The following FOXO3 variants were observed in gnomAD, a reference collection of about 807,000 sequenced individuals.
The protein encoded by FOXO3 is forkhead box O3.
A neutral mutation model predicts 41.9 loss-of-function variants in FOXO3; 4 were observed. That is an observed-to-expected ratio of 0.10 (90% confidence interval 0.05 to 0.22). FOXO3 has a LOEUF of 0.22. Ranked by LOEUF, FOXO3 falls within the 10% of genes least tolerant of loss-of-function variation. The pLI is 1.00. For synonymous variants in FOXO3, 318 were observed against 389.3 expected (o/e 0.82, Z 2.16); for missense variants, 534 against 906.8 (o/e 0.59, Z 5.28).
At chr6:108,579,445 C>A (rs538358700) in intron 1 of FOXO3, among the ~76,000 whole-genome samples, 2 of 152,246 alleles carry the variant, frequency 1.3e-5, no homozygotes, top group South Asian at 4.1e-4. Context: ...GGAGGAAAGT[C>A]CAAAATATTG....
At chr6:108,589,541 CATT>C (rs778636880) in intron 1 of FOXO3, among the ~76,000 whole-genome samples, 1 of 152,224 alleles carries the variant, frequency 6.6e-6, no homozygotes, top group East Asian at 1.9e-4. Context: ...AGAGTGCATG[CATT>C]ATTCCCCAGT....
intron 1 of FOXO3, among the ~76,000 whole-genome samples, chr6:108,645,466 T>C (rs1389751956): frequency 4.6e-5 from 7 of 152,240 alleles, no homozygotes; most frequent in Non-Finnish European, 7.4e-5. Context: ...TGCTTTTTTT[T>C]TTTTTTTCTT....
intron 1 of FOXO3, among the ~76,000 whole-genome samples, chr6:108,571,308 A>C (rs1276353023): frequency 1.3e-5 from 2 of 152,214 alleles, no homozygotes; most frequent in Admixed American, 6.5e-5. Context: ...CTGTAATGCT[A>C]TATCGGTTTC....
At chr6:108,658,512 T>G (rs1037260885) in intron 1 of FOXO3, among the ~76,000 whole-genome samples, 3 of 152,172 alleles carry the variant, frequency 2.0e-5, no homozygotes, top group Non-Finnish European at 2.9e-5. Flanking sequence ...TTTCAGAATC[T>G]AAGAGTAGTT....
At chr6:108,587,098 C>A (rs1397700570) in intron 1 of FOXO3, among the ~76,000 whole-genome samples, 1 of 151,864 alleles carries the variant, frequency 6.6e-6, no homozygotes, top group Non-Finnish European at 1.5e-5. Flanking sequence ...TGTGAGCCAC[C>A]ATGCCCAGCC....
Position 108,663,808 on chromosome 6 carries a change from G to A in FOXO3, c.975G>A (p.Ser325=), listed in dbSNP as rs1244817385. 19 of 1,613,772 alleles carry A rather than the reference G, an allele frequency of 1.2e-5. No homozygotes were observed. Among genetic ancestry groups the A allele is most frequent in the South Asian group, 8.8e-5 (8 of 91,064 alleles). Residue 325 remains serine, a synonymous_variant, in exon 2 of 3, where the codon TCG becomes TCA. Transcript: ENST00000406360. ...SNASTVSGRL[S]PIMASTELDE... ...CCAGCACAGTCAGTGGCCGCCTGTC[G>A]CCCATCATGGCAAGCACAGAGTTGG...
chr6:108,569,493 A>G (rs898720140), intron 1 of FOXO3, among the ~76,000 whole-genome samples: 2 of 152,252 alleles, frequency 1.3e-5, no homozygotes, highest in Non-Finnish European at 2.9e-5. Context: ...AGGCTTTTCT[A>G]TAATTCGCTT....
At chr6:108,601,505 T>C (rs1437531851) in intron 1 of FOXO3, among the ~76,000 whole-genome samples, 2 of 152,092 alleles carry the variant, frequency 1.3e-5, no homozygotes, top group Non-Finnish European at 2.9e-5. Context: ...AGTTTCACCA[T>C]GTTGGCCAGG....
Position 108,677,451 on chromosome 6 carries a change from A to G in FOXO3, c.*35-2376A>G, listed in dbSNP as rs139750742. Reference sequence around the variant, plus strand: ...TTCCTGCTGTGTTGGCCCAGCCCACATTGGAGCAAGCCACACTCCCTGTCT... The same window carrying G: ...TTCCTGCTGTGTTGGCCCAGCCCACGTTGGAGCAAGCCACACTCCCTGTCT... On this transcript the variant is annotated intron_variant, in intron 2 of 2. Coordinates refer to ENST00000406360, the MANE Select transcript of FOXO3 (RefSeq NM_001455.4). Among the ~76,000 whole-genome samples the G allele has an allele frequency of 8.9e-4, 135 of 152,266 alleles. 2 individuals are homozygous for G. The East Asian group carries it at 0.024, about 27-fold the overall frequency.
Position 108,561,238 on chromosome 6 carries a change from G to C in FOXO3, c.30G>C (p.Pro10=). MAEAPASPA[P]LSPLEVELDP... Reference sequence around the variant, plus strand: ...CAGAGGCACCGGCTTCCCCGGCCCCGCTCTCTCCGCTCGAAGTGGAGCTGG... The same window carrying C: ...CAGAGGCACCGGCTTCCCCGGCCCCCCTCTCTCCGCTCGAAGTGGAGCTGG... Residue 10 remains proline, a synonymous_variant, in exon 1 of 3, where the codon CCG becomes CCC. Transcript: ENST00000406360. 1 of 1,563,064 alleles carries C rather than the reference G, an allele frequency of 6.4e-7. No individual in the cohort carries two copies. The highest frequency in any genetic ancestry group is 1.9e-5 in the Admixed American group (1 of 52,982).
At chr6:108,567,091 G>A (rs1252228997) in intron 1 of FOXO3, among the ~76,000 whole-genome samples, 1 of 152,212 alleles carries the variant, frequency 6.6e-6, no homozygotes, top group African/African-American at 2.4e-5. Flanking sequence ...ATAAGCTATA[G>A]CATATCTGTG....
intron 2 of FOXO3, among the ~76,000 whole-genome samples, chr6:108,671,620 A>G (rs1436192226): frequency 6.6e-6 from 1 of 152,210 alleles, no homozygotes; most frequent in Non-Finnish European, 1.5e-5. Flanking sequence ...ACCTTTTTAA[A>G]CATGTTATTT....
At position 108,561,286 on chromosome 6, in the gene FOXO3, C is replaced by T. The variant is rs1041727540; in HGVS notation, c.78C>T (p.Ser26=). ...TGGACCCGGAGTTCGAGCCCCAGAG[C>T]CGTCCGCGATCCTGTACGTGGCCCC... ...VELDPEFEPQ[S]RPRSCTWPLQ... The change falls in exon 1 of 3, where the codon AGC becomes AGT. Residue 26 remains serine (S), a synonymous_variant. Transcript: ENST00000406360. 6.4e-7 allele frequency: 1 copy of T among 1,564,906 alleles called. No individual in the cohort carries two copies. Among genetic ancestry groups the T allele is most frequent in the Admixed American group, 1.9e-5 (1 of 52,768 alleles).
At chr6:108,575,296 A>G (rs1224080292) in intron 1 of FOXO3, among the ~76,000 whole-genome samples, 2 of 151,624 alleles carry the variant, frequency 1.3e-5, no homozygotes, top group East Asian at 1.9e-4. Context: ...TCCATATTTC[A>G]TATTAAGCTT....
At chr6:108,631,026 A>G (rs1423661990) in intron 1 of FOXO3, among the ~76,000 whole-genome samples, 1 of 152,138 alleles carries the variant, frequency 6.6e-6, no homozygotes, top group Non-Finnish European at 1.5e-5. Flanking sequence ...TTTATTGTAG[A>G]CATTTTATAG....
chr6:108,561,559 C>T lies in FOXO3; in HGVS notation c.351C>T (p.Gly117=). The T allele has an allele frequency of 1.4e-6, 2 of 1,434,458 alleles. No homozygotes were observed. Among genetic ancestry groups the T allele is most frequent in the Non-Finnish European group, 9.1e-7 (1 of 1,102,416 alleles). 88.9% of individuals were successfully genotyped at this position (1,434,458 alleles called of 1,614,324 possible). ...DPGSGPATAA[G]GLSGGTQALL... ...GGTCTGGGCCAGCCACCGCGGCGGG[C>T]GGGCTGAGCGGGGGTACACAGGCGC... The change falls in exon 1 of 3, where the codon GGC becomes GGT. Residue 117 remains glycine (G), a synonymous_variant. Transcript: ENST00000406360.
At chr6:108,594,813 C>T (rs973487987) in intron 1 of FOXO3, among the ~76,000 whole-genome samples, 4 of 152,188 alleles carry the variant, frequency 2.6e-5, no homozygotes, top group African/African-American at 9.7e-5. Context: ...GAATGTGGCA[C>T]AGCTCCAGCT....
At chr6:108,602,786 A>T (rs1777089752) in intron 1 of FOXO3, among the ~76,000 whole-genome samples, 1 of 152,168 alleles carries the variant, frequency 6.6e-6, no homozygotes, top group African/African-American at 2.4e-5. Flanking sequence ...TGTGTTTTGT[A>T]TTATAGGAAC....
chr6:108,663,975 G>C lies in FOXO3; in HGVS notation c.1142G>C (p.Gly381Ala), dbSNP rs1284914952. The C allele has an allele frequency of 6.2e-7, 1 of 1,613,988 alleles. No homozygotes were observed. Among genetic ancestry groups the C allele is most frequent in the Non-Finnish European group, 8.5e-7 (1 of 1,180,020 alleles). Residue 381 changes from glycine (G) to alanine (A), a missense_variant, in exon 2 of 3, where the codon GGG (glycine) becomes GCG (alanine). Physicochemically the swap from Gly to Ala is moderately conservative, Grantham distance 60 (BLOSUM62 0). Coordinates refer to ENST00000406360, the MANE Select transcript of FOXO3 (RefSeq NM_001455.4). ...DMAGTMNLND[G>A]LTENLMDDLL... ...GCAGGCACCATGAATCTGAATGATG[G>C]GCTGACTGAAAACCTCATGGACGAC...
Sources: allele counts gnomAD v4.1 joint callset (sites outside exome capture counted in the v4.1 genomes callset), GRCh38; gene constraint gnomAD v4.1.1; transcripts MANE v1.5; gene names NCBI Gene and HGNC (gene_info 2026-07-23, HGNC 2026-07-21).